ARHGEF17: variants seen among roughly 807,000 people sequenced by gnomAD.
The protein encoded by ARHGEF17 is 164 kDa Rho-specific guanine-nucleotide exchange factor.
ARHGEF17 carries 80 observed loss-of-function variants against 174.0 expected under a neutral mutation model. That is an observed-to-expected ratio of 0.46 (90% CI 0.38 to 0.55). The LOEUF (loss-of-function observed/expected upper bound fraction) is 0.55. ARHGEF17 is among the 20% of genes least tolerant of loss of function. The probability of loss-of-function intolerance (pLI) is 0.00; values close to 1 mark genes in which losing one functional copy is unlikely to be tolerated. For synonymous variants in ARHGEF17, 1,311 were observed against 1,189.1 expected (o/e 1.10, Z -2.11); for missense variants, 2,886 against 2,839.7 (o/e 1.02, Z -0.37).
chr11:73,311,438 C>T lies in ARHGEF17; in HGVS notation c.2800C>T (p.Leu934Phe), dbSNP rs1390553645. 4 of 1,613,260 alleles carry T rather than the reference C, an allele frequency of 2.5e-6. No homozygotes were observed. Among genetic ancestry groups the T allele is most frequent in the Non-Finnish European group, 3.4e-6 (4 of 1,180,044 alleles). ...CCCAGCTCGGAGTAGTCACCAGGAG[C>T]TTCGGAGAGACGAGGGCAGTCAGGA... is the stretch of plus-strand genomic sequence containing the variant. ...KRPARSSHQE[L>F]RRDEGSQDQT... The change falls in exon 1 of 21, where the codon CTT becomes TTT. Residue 934 changes from leucine to phenylalanine, a missense_variant. Leu to Phe is a conservative substitution (Grantham distance 22, BLOSUM62 0). Coordinates refer to ENST00000263674, the MANE Select transcript of ARHGEF17 (RefSeq NM_014786.4).
intron 3 of ARHGEF17, 117 bp from the exon 4 acceptor site, chr11:73,355,416 T>A (rs1565205553): frequency 2.6e-5 from 18 of 704,088 alleles, no homozygotes; most frequent in Non-Finnish European, 3.5e-5. Context: ...CCTTAGAGAT[T>A]GTATCATTTC....
In ARHGEF17 at chr11:73,369,205, A is replaced by T. The variant is rs1865891071; in HGVS notation, c.*1425A>T. ...AAGGGAGGCCTTGGAGACCCAGAAG[A>T]GTGCTGGACGGCGAGGTTGCCACGA... On this transcript the variant is annotated 3_prime_UTR_variant, in exon 21 of 21. Coordinates refer to ENST00000263674, the MANE Select transcript of ARHGEF17 (RefSeq NM_014786.4). The T allele has an allele frequency of 6.6e-6, 1 of 152,172 alleles. No homozygotes were observed. Among genetic ancestry groups the T allele is most frequent in the Admixed American group, 6.5e-5 (1 of 15,282 alleles). The allele number at this position is 152,172 out of a possible 1,614,324, so 9.4% of individuals were successfully genotyped here.
intron 1 of ARHGEF17, among the ~76,000 whole-genome samples, chr11:73,329,346 TATATATATATATATA>T (rs1865156607): frequency 2.6e-5 from 1 of 38,928 alleles, no homozygotes; most frequent in African/African-American, 2.1e-4. Flanking sequence ...TATATATATA[TATATATATATATATA>T]TATATATATA....
At chr11:73,336,814 A>G (rs1865293441) in intron 1 of ARHGEF17, among the ~76,000 whole-genome samples, 2 of 152,184 alleles carry the variant, frequency 1.3e-5, no homozygotes, top group Non-Finnish European at 2.9e-5. Flanking sequence ...AATTACCTTG[A>G]AGGCATCCTC....
intron 1 of ARHGEF17, among the ~76,000 whole-genome samples, chr11:73,338,362 A>G (rs889348031): frequency 6.6e-6 from 1 of 152,156 alleles, no homozygotes; most frequent in African/African-American, 2.4e-5. Context: ...CTCTACCCAA[A>G]AAGTCCCTCT....
At chr11:73,323,470 C>G (rs996910149) in intron 1 of ARHGEF17, among the ~76,000 whole-genome samples, 1 of 152,226 alleles carries the variant, frequency 6.6e-6, no homozygotes, top group African/African-American at 2.4e-5. Context: ...ACCCTAGATC[C>G]TGAGACCAGT....
At position 73,369,102 on chromosome 11, in the gene ARHGEF17, CAG is replaced by C. The variant is rs1460889184; in HGVS notation, c.*1323_*1324del. The C allele has an allele frequency of 6.6e-6, 1 of 152,416 alleles. No individual in the cohort carries two copies. Among genetic ancestry groups the C allele is most frequent in the Admixed American group, 6.5e-5 (1 of 15,290 alleles). The allele number at this position is 152,416 out of a possible 1,614,324, so 9.4% of individuals were successfully genotyped here. On this transcript the variant is annotated 3_prime_UTR_variant, in exon 21 of 21. Coordinates refer to ENST00000263674, the MANE Select transcript of ARHGEF17 (RefSeq NM_014786.4). ...CACCAGATGACTGCATTGGTGGCCA[CAG>C]TGGCCTCCTGTCAGCAACCTCAGGG...
At chr11:73,341,982 G>T (rs1022065506) in intron 1 of ARHGEF17, among the ~76,000 whole-genome samples, 1 of 148,568 alleles carries the variant, frequency 6.7e-6, no homozygotes, top group Non-Finnish European at 1.5e-5. Flanking sequence ...CAGGTTGCTC[G>T]CCCCCACCCC....
rs759991898 is a variant in ARHGEF17, at chr11:73,362,507, C to T, written c.4769C>T (p.Ala1590Val). 3.1e-6 allele frequency: 5 copies of T among 1,603,372 alleles called. No homozygotes were observed. The highest frequency in any genetic ancestry group is 1.3e-5 in the African/African-American group (1 of 74,818). ...EPAGPELDVE[A>V]AADEEAATLA... The stretch of plus-strand genomic sequence containing the variant: ...GCCGGGCCGGAGCTGGACGTCGAGG[C>T]CGCTGCAGACGAGGAAGCCGCGACG... Residue 1590 changes from alanine to valine, a missense_variant, in exon 14 of 21, where the codon GCC becomes GTC. Ala to Val is a moderately conservative substitution (Grantham distance 64, BLOSUM62 0). Transcript: ENST00000263674.
chr11:73,314,354 C>T (rs577596311), intron 1 of ARHGEF17, among the ~76,000 whole-genome samples: 9 of 152,196 alleles, frequency 5.9e-5, no homozygotes, highest in Non-Finnish European at 1.0e-4. Context: ...GTAGGGAGTC[C>T]TTCACCCTCA....
chr11:73,319,825 G>A (rs555793182), intron 1 of ARHGEF17, among the ~76,000 whole-genome samples: 1 of 152,318 alleles, frequency 6.6e-6, no homozygotes, highest in East Asian at 1.9e-4. Flanking sequence ...CCAGAGGCAG[G>A]CAGAGCCCAG....
chr11:73,329,746 A>G (rs777806351), intron 1 of ARHGEF17, among the ~76,000 whole-genome samples: 2 of 152,192 alleles, frequency 1.3e-5, no homozygotes, highest in Non-Finnish European at 2.9e-5. Flanking sequence ...GCAGAATACC[A>G]AACTATGCAA....
intron 1 of ARHGEF17, among the ~76,000 whole-genome samples, chr11:73,340,501 G>C (rs1334129638): frequency 6.6e-6 from 1 of 152,150 alleles, no homozygotes; most frequent in Non-Finnish European, 1.5e-5. Context: ...TGTTGTCTGG[G>C]AGCTCCTGGA....
chr11:73,350,616 A>C (rs555941663), intron 2 of ARHGEF17, among the ~76,000 whole-genome samples: 1 of 152,346 alleles, frequency 6.6e-6, no homozygotes. Context: ...TGAACAAAGA[A>C]GTTAAATAGA....
chr11:73,367,435 A>T (rs1223556491), intron 20 of ARHGEF17, 149 bp from the exon 21 acceptor site: 1 of 602,296 alleles, frequency 1.7e-6, no homozygotes, highest in African/African-American at 1.8e-5. Context: ...CTTTCTAAAT[A>T]AGTTCCTAGC....
intron 1 of ARHGEF17, among the ~76,000 whole-genome samples, chr11:73,344,185 C>T (rs1157755468): frequency 6.6e-6 from 1 of 152,172 alleles, no homozygotes; most frequent in Admixed American, 6.5e-5. Context: ...GCTGTTCTGC[C>T]TGGAACAGGT....
chr11:73,333,378 G>A (rs935907413), intron 1 of ARHGEF17, among the ~76,000 whole-genome samples: 4 of 152,226 alleles, frequency 2.6e-5, no homozygotes, highest in South Asian at 2.1e-4. Flanking sequence ...GCACGCGCGC[G>A]CGCACTCACA....
intron 15 of ARHGEF17, 132 bp downstream of exon 15, chr11:73,363,587 G>A (rs1591763938): frequency 3.3e-6 from 5 of 1,499,182 alleles, no homozygotes; most frequent in East Asian, 4.6e-5. Flanking sequence ...GACCAGGGAT[G>A]TCAGTGGGTC....
At chr11:73,319,498 A>C (rs138223578) in intron 1 of ARHGEF17, among the ~76,000 whole-genome samples, 2 of 152,214 alleles carry the variant, frequency 1.3e-5, no homozygotes, top group Non-Finnish European at 2.9e-5. Flanking sequence ...ACATATTCAC[A>C]GGTTCTGGGG....
Sources: gnomAD v4.1 joint callset for allele counts (sites outside exome capture counted in the v4.1 genomes callset) on GRCh38, gnomAD v4.1.1 for gene constraint, MANE v1.5 for transcripts, NCBI Gene and HGNC (gene_info 2026-07-23, HGNC 2026-07-21) for gene names.